The following SLC22A23 variants were observed in gnomAD, a reference collection of about 807,000 sequenced individuals.
SLC22A23 encodes solute carrier family 22 member 23.
SLC22A23 carries 26 observed loss-of-function variants against 61.0 expected under a neutral mutation model. The ratio of observed to expected loss-of-function variants is 0.43; its 90% confidence interval spans 0.31 to 0.59. SLC22A23 has a LOEUF of 0.59. SLC22A23 is among the 20% of genes least tolerant of loss of function. The pLI is 0.11. For synonymous variants in SLC22A23, 430 were observed against 413.9 expected (o/e 1.04, Z -0.47); for missense variants, 796 against 934.7 (o/e 0.85, Z 1.94).
chr6:3,369,025 G>A (rs990501843), intron 3 of SLC22A23, among the ~76,000 whole-genome samples: 3 of 151,558 alleles, frequency 2.0e-5, no homozygotes, highest in Non-Finnish European at 4.4e-5. Flanking sequence ...ACCTAATTCT[G>A]ACTGTCACTA....
At chr6:3,389,295 A>AG (rs1767514757) in intron 3 of SLC22A23, among the ~76,000 whole-genome samples, 1 of 141,778 alleles carries the variant, frequency 7.1e-6, no homozygotes, top group East Asian at 2.0e-4. Context: ...AAAAAAAAAA[A>AG]GCAACAACAA....
chr6:3,301,678 C>T (rs960979960), intron 4 of SLC22A23, among the ~76,000 whole-genome samples: 3 of 152,246 alleles, frequency 2.0e-5, no homozygotes, highest in Non-Finnish European at 1.5e-5. Flanking sequence ...CCAAGGGCCA[C>T]TGCCCAGGGC....
Position 3,270,535 on chromosome 6 carries a change from G to A in SLC22A23, c.*2520C>T, listed in dbSNP as rs1404728965. On this transcript the variant is annotated 3_prime_UTR_variant, in exon 10 of 10. Transcript: ENST00000406686. ...CCTCCTCCTCAGGCTGCCCTGGGAGGAGAGCTGTGGGACCGCCTCGCCGGC... is the reference window on the plus strand; with the variant it reads ...CCTCCTCCTCAGGCTGCCCTGGGAGAAGAGCTGTGGGACCGCCTCGCCGGC... The A allele has an allele frequency of 6.6e-6, 1 of 152,404 alleles. No individual in the cohort carries two copies. Among genetic ancestry groups the A allele is most frequent in the Non-Finnish European group, 1.5e-5 (1 of 68,082 alleles). 9.4% of individuals were successfully genotyped at this position (152,404 alleles called of 1,614,324 possible).
At chr6:3,407,623 G>C (rs1382081372) in intron 3 of SLC22A23, among the ~76,000 whole-genome samples, 1 of 152,132 alleles carries the variant, frequency 6.6e-6, no homozygotes, top group African/African-American at 2.4e-5. Flanking sequence ...ACAGCCCTTT[G>C]GTTTAGTTTA....
At chr6:3,407,232 A>C (rs1768902821) in intron 3 of SLC22A23, among the ~76,000 whole-genome samples, 1 of 152,236 alleles carries the variant, frequency 6.6e-6, no homozygotes, top group Non-Finnish European at 1.5e-5. Context: ...CTGGCTTATC[A>C]ATAATTTTCT....
At chr6:3,422,697 C>T (rs1309236407) in intron 1 of SLC22A23, among the ~76,000 whole-genome samples, 1 of 152,192 alleles carries the variant, frequency 6.6e-6, no homozygotes, top group Non-Finnish European at 1.5e-5. Flanking sequence ...TCCTTGGGTA[C>T]TCCGGGGAAA....
intron 3 of SLC22A23, among the ~76,000 whole-genome samples, chr6:3,367,715 G>A (rs1765927638): frequency 6.6e-6 from 1 of 152,236 alleles, no homozygotes; most frequent in Non-Finnish European, 1.5e-5. Flanking sequence ...AGGTTTTCCA[G>A]TGGCTTCTAT....
At chr6:3,316,206 T>C (rs1762629679) in intron 4 of SLC22A23, among the ~76,000 whole-genome samples, 1 of 152,226 alleles carries the variant, frequency 6.6e-6, no homozygotes, top group African/African-American at 2.4e-5. Flanking sequence ...CCCACATTTG[T>C]GAGTGATTTG....
In SLC22A23 at chr6:3,414,048, G is replaced by C. The variant is rs1161993489; in HGVS notation, c.758+1704C>G. Among the ~76,000 whole-genome samples the C allele has an allele frequency of 6.6e-6, 1 of 152,148 alleles. No individual in the cohort carries two copies. Among genetic ancestry groups the C allele is most frequent in the Non-Finnish European group, 1.5e-5 (1 of 68,032 alleles). ...GTCCTCAGGCCTGGTGTGTGATCAG[G>C]GAGGCCACATCACATGTGTGTACAA... On this transcript the variant is annotated intron_variant, in intron 2 of 9. Transcript: ENST00000406686. The surrounding 1 kb of genome is among the most constrained non-coding windows in gnomAD (Gnocchi z 5.1).
intron 1 of SLC22A23, among the ~76,000 whole-genome samples, chr6:3,442,288 G>T (rs1220992101): frequency 6.6e-6 from 1 of 152,170 alleles, no homozygotes; most frequent in Non-Finnish European, 1.5e-5. Flanking sequence ...GGGTTTCATG[G>T]GGACAGTTTC....
chr6:3,273,503 C>T (rs1561853833), intron 9 of SLC22A23, 91 bp from the exon 10 acceptor site: 4 of 1,415,284 alleles, frequency 2.8e-6, no homozygotes, highest in Non-Finnish European at 3.9e-6. Flanking sequence ...GCCACCTCTG[C>T]AGGGGCCCTG....
chr6:3,341,279 A>T (rs905133873), intron 3 of SLC22A23, among the ~76,000 whole-genome samples: 5 of 152,246 alleles, frequency 3.3e-5, no homozygotes, highest in East Asian at 1.9e-4. Context: ...TGCTAAAAAA[A>T]AGTTATGCCA....
intron 9 of SLC22A23, chr6:3,282,207 G>A: frequency 1.4e-6 from 1 of 702,578 alleles, no homozygotes; most frequent in Non-Finnish European, 2.6e-6. Flanking sequence ...GTTTGATAAA[G>A]GAGAGAAATT....
At chr6:3,345,417 T>C (rs924479360) in intron 3 of SLC22A23, among the ~76,000 whole-genome samples, 9 of 145,952 alleles carry the variant, frequency 6.2e-5, no homozygotes, top group Non-Finnish European at 1.0e-4. Context: ...CAGGCTGGAG[T>C]GCAGTGGTAC....
chr6:3,323,833 C>A lies in SLC22A23; in HGVS notation c.1082+1G>T, dbSNP rs759182239. 6.2e-7 allele frequency: 1 copy of A among 1,612,868 alleles called. No homozygotes were observed. Among genetic ancestry groups the A allele is most frequent in the Non-Finnish European group, 8.5e-7 (1 of 1,179,462 alleles). ...CAGGGCGCTGTGCAGAGTGTACTCA[C>A]GACCAGTAGAGCAGCATGAGCAGGA... On this transcript the variant is annotated splice_donor_variant, in intron 4 of 9. Transcript: ENST00000406686. LOFTEE classifies it high-confidence loss of function.
At chr6:3,276,846 A>G (rs1042718464) in intron 9 of SLC22A23, 2 of 152,284 alleles carry the variant, frequency 1.3e-5, no homozygotes, top group Non-Finnish European at 2.9e-5. Flanking sequence ...AAAGTGAGCT[A>G]CAGAACAGAC....
intron 3 of SLC22A23, among the ~76,000 whole-genome samples, chr6:3,392,892 T>C (rs1423156708): frequency 1.3e-5 from 2 of 152,152 alleles, no homozygotes; most frequent in East Asian, 3.8e-4. Flanking sequence ...GTTGGTGATA[T>C]ACACCTGGGA....
chr6:3,373,727 T>C (rs1766374907), intron 3 of SLC22A23, among the ~76,000 whole-genome samples: 1 of 152,142 alleles, frequency 6.6e-6, no homozygotes, highest in Admixed American at 6.5e-5. Flanking sequence ...AGGTCACCTA[T>C]TGTTCCATTC....
chr6:3,298,977 T>C (rs1581644463), intron 4 of SLC22A23, among the ~76,000 whole-genome samples: 1 of 59,966 alleles, frequency 1.7e-5, no homozygotes, highest in African/African-American at 1.5e-4. Context: ...AGACTCCGTC[T>C]CAAAAAAAAA....
Sources: gnomAD v4.1 joint callset for allele counts (sites outside exome capture counted in the v4.1 genomes callset) on GRCh38, gnomAD v4.1.1 for gene constraint, Gnocchi (gnomAD v3.1) non-coding constraint, MANE v1.5 for transcripts, NCBI Gene and HGNC (gene_info 2026-07-23, HGNC 2026-07-21) for gene names.